The following SMCHD1 variants were observed in gnomAD, a reference collection of about 807,000 sequenced individuals.
SMCHD1 encodes structural maintenance of chromosomes flexible hinge domain containing 1, also known as structural maintenance of chromosomes flexible hinge domain-containing protein 1.
SMCHD1 carries 78 observed loss-of-function variants against 254.7 expected under a neutral mutation model. The ratio of observed to expected loss-of-function variants is 0.31; its 90% CI spans 0.26 to 0.37. SMCHD1 has a LOEUF of 0.37. Among genes scored for constraint, SMCHD1 ranks in the 10% least tolerant of loss-of-function variants. The pLI, the probability that SMCHD1 is intolerant of heterozygous loss-of-function variation, is 1.00. For synonymous variants in SMCHD1, 766 were observed against 794.9 expected (o/e 0.96, Z 0.61); for missense variants, 1,840 against 2,408.1 (o/e 0.76, Z 4.94).
Position 2,732,277 on chromosome 18 carries a change from G to A in SMCHD1, c.3061G>A (p.Val1021Met), listed in dbSNP as rs1231660567. 1 of 1,613,180 alleles carries A rather than the reference G, an allele frequency of 6.2e-7. No homozygotes were observed. The highest frequency in any genetic ancestry group is 8.5e-7 in the Non-Finnish European group (1 of 1,179,460). ...CTTCTCTTTCTAGAGTTGTAAAGAT[G>A]TGGCACCTGTGGAGAAGACTATTAA... Reference protein sequence around the residue: ...ARIEIPSCKDVAPVEKTIKLL... With the variant: ...ARIEIPSCKDMAPVEKTIKLL... Residue 1021 changes from valine to methionine, a missense_variant, in exon 25 of 48, where the codon GTG becomes ATG. By Grantham distance (21) the Val-to-Met change is conservative (BLOSUM62 1). Transcript: ENST00000320876.
At position 2,705,736 on chromosome 18, in the gene SMCHD1, G is replaced by A; in HGVS notation, c.1885G>A (p.Val629Ile). 1 of 1,608,030 alleles carries A rather than the reference G, an allele frequency of 6.2e-7. No homozygotes were observed. The highest frequency in any genetic ancestry group is 8.5e-7 in the Non-Finnish European group (1 of 1,176,162). Residue 629 changes from valine (V) to isoleucine (I), a missense_variant, in exon 14 of 48, where the codon GTA becomes ATA. By Grantham distance (29) the Val-to-Ile change is conservative. Coordinates refer to ENST00000320876, the MANE Select transcript of SMCHD1 (RefSeq NM_015295.3). The stretch of plus-strand genomic sequence containing the variant: ...ACTTCCCCTCTTTTATGGAAGCATA[G>A]TAAGATTTTTTCTTTATGGCGATCA... ...KTLPLFYGSIVRFFLYGDHDG... is the reference protein window; with the variant it reads ...KTLPLFYGSIIRFFLYGDHDG...
intron 45 of SMCHD1, among the ~76,000 whole-genome samples, chr18:2,785,802 GTC>G (rs1175979766): frequency 6.6e-6 from 1 of 151,750 alleles, no homozygotes; most frequent in Non-Finnish European, 1.5e-5. Context: ...ACTTCTTTCT[GTC>G]TCTCTGAATG....
At chr18:2,762,306 A>C (rs1208440853) in intron 36 of SMCHD1, 70 bp downstream of exon 36, 18 of 1,452,396 alleles carry the variant, frequency 1.2e-5, no homozygotes, top group Non-Finnish European at 1.6e-5. Context: ...AGGGTACAAA[A>C]TTATTTGTAT....
At chr18:2,700,120 C>G (rs1568174437) in intron 10 of SMCHD1, among the ~76,000 whole-genome samples, 1 of 152,146 alleles carries the variant, frequency 6.6e-6, no homozygotes, top group Admixed American at 6.5e-5. Flanking sequence ...TAGGTAAACT[C>G]GCTGCTATTA....
At chr18:2,677,334 C>T (rs560950948) in intron 5 of SMCHD1, among the ~76,000 whole-genome samples, 2 of 152,044 alleles carry the variant, frequency 1.3e-5, no homozygotes, top group South Asian at 2.1e-4. Flanking sequence ...TGAAAGTATC[C>T]GTATTAATTT....
At chr18:2,797,720 T>C (rs1168549676) in intron 47 of SMCHD1, among the ~76,000 whole-genome samples, 1 of 152,038 alleles carries the variant, frequency 6.6e-6, no homozygotes, top group Non-Finnish European at 1.5e-5. Flanking sequence ...AGATCAGGAG[T>C]TGGAGACCAG....
chr18:2,752,910 G>T, intron 34 of SMCHD1: 1 of 184,266 alleles, frequency 5.4e-6, no homozygotes, highest in Non-Finnish European at 1.1e-5. Context: ...CTTCATTCTG[G>T]ACCTCCATTT....
intron 39 of SMCHD1, among the ~76,000 whole-genome samples, chr18:2,770,326 C>T: frequency 6.6e-6 from 1 of 152,150 alleles, no homozygotes; most frequent in East Asian, 1.9e-4. Flanking sequence ...AAGAAATCAA[C>T]ACGTTCTGTT....
intron 1 of SMCHD1, among the ~76,000 whole-genome samples, chr18:2,662,666 C>CAAAAAAAAA (rs2073321596): frequency 3.4e-5 from 1 of 29,454 alleles, no homozygotes; most frequent in Non-Finnish European, 6.5e-5. Flanking sequence ...CAACAAAAAA[C>CAAAAAAAAA]CAAAAAAAAA....
intron 5 of SMCHD1, among the ~76,000 whole-genome samples, chr18:2,678,950 C>T (rs564144754): frequency 2.5e-4 from 38 of 150,440 alleles, no homozygotes; most frequent in East Asian, 8.0e-4. Flanking sequence ...CTGGTTCAAG[C>T]GATTCTTTTG....
At chr18:2,662,180 A>AAAAAAAAAAAT (rs2073291998) in intron 1 of SMCHD1, among the ~76,000 whole-genome samples, 1 of 89,884 alleles carries the variant, frequency 1.1e-5, no homozygotes, top group Admixed American at 1.2e-4. Flanking sequence ...AAAAAAAAAT[A>AAAAAAAAAAAT]AAATAAATAA....
At position 2,729,296 on chromosome 18, in the gene SMCHD1, C is replaced by G; in HGVS notation, c.2935C>G (p.Pro979Ala). Residue 979 changes from proline to alanine, a missense_variant, in exon 24 of 48, where the codon CCA becomes GCA. By Grantham distance (27) the Pro-to-Ala change is conservative (BLOSUM62 -1). Around this residue, in one of 9 missense-constraint regions of SMCHD1, gnomAD observed 881 missense variants for 1,009.5 expected, o/e 0.87. Coordinates refer to ENST00000320876, the MANE Select transcript of SMCHD1 (RefSeq NM_015295.3). ...ATAGTTTTCAGGTGCTCCAAACCTT[C>G]CAGTCTATGTTGTAGATTGCAGTAG... ...HCKFSGAPNL[P>A]VYVVDCSSSG... 1 of 1,516,892 alleles carries G rather than the reference C, an allele frequency of 6.6e-7. No homozygotes were observed. Among genetic ancestry groups the G allele is most frequent in the Non-Finnish European group, 8.8e-7 (1 of 1,135,044 alleles). 94.0% of individuals were successfully genotyped at this position (1,516,892 alleles called of 1,614,324 possible).
At chr18:2,663,480 A>G (rs1568073483) in intron 1 of SMCHD1, among the ~76,000 whole-genome samples, 1 of 152,036 alleles carries the variant, frequency 6.6e-6, no homozygotes, top group Non-Finnish European at 1.5e-5. Flanking sequence ...GTTCTTTTAC[A>G]ATTTTGGGCT....
intron 37 of SMCHD1, among the ~76,000 whole-genome samples, chr18:2,764,670 C>A (rs2075838659): frequency 6.6e-6 from 1 of 152,114 alleles, no homozygotes; most frequent in East Asian, 1.9e-4. Flanking sequence ...CAACTATTTT[C>A]ATAGCATTTT....
intron 19 of SMCHD1, 49 bp from the exon 20 acceptor site, chr18:2,722,470 T>C: frequency 6.4e-7 from 1 of 1,551,880 alleles, no homozygotes; most frequent in East Asian, 2.3e-5. Context: ...CCCAATGGCT[T>C]TTCTGACCAA....
In SMCHD1 at chr18:2,738,558, ATT is replaced by A; in HGVS notation, c.3425+14_3425+15del. 6.3e-7 allele frequency: 1 copy of A among 1,594,428 alleles called. No homozygotes were observed. Among genetic ancestry groups the A allele is most frequent in the Non-Finnish European group, 8.5e-7 (1 of 1,170,798 alleles). On this transcript the variant is annotated intron_variant, in intron 26 of 47. Transcript: ENST00000320876. ...CGTTTACAGTAAGGTTTGTGGACTC[ATT>A]ATATTTTGCAGCCTATGGCAACAAA...
chr18:2,762,407 TA>T (rs1157847651), intron 36 of SMCHD1, among the ~76,000 whole-genome samples, 171 bp downstream of exon 36: 1 of 151,798 alleles, frequency 6.6e-6, no homozygotes, highest in East Asian at 1.9e-4. Context: ...TGAATACAAA[TA>T]GAGAATATAT....
In SMCHD1 at chr18:2,752,055, A is replaced by G. The variant is rs569768591; in HGVS notation, c.4282-433A>G. Among the ~76,000 whole-genome samples the G allele has an allele frequency of 3.3e-4, 51 of 152,294 alleles. 1 individual carries two copies. Among genetic ancestry groups the G allele is most frequent in the South Asian group, 1.7e-3 (8 of 4,832 alleles). On this transcript the variant is annotated intron_variant, in intron 33 of 47. Transcript: ENST00000320876. ...ACATAGCCATTGGCTACCATATTGG[A>G]TAATGCAGATCTGAAATAAATCTAA...
chr18:2,684,700 A>AGTGTGTGTGTGTGTGTGTGTGTGTGT (rs71365193), intron 5 of SMCHD1, among the ~76,000 whole-genome samples: 21 of 115,612 alleles, frequency 1.8e-4, no homozygotes, highest in East Asian at 1.1e-3. Flanking sequence ...TTGCAGATTC[A>AGTGTGTGTGTGTGTGTGTGTGTGTGT]GTGTGTGTGT....
Sources: gnomAD v4.1 joint callset for allele counts (sites outside exome capture counted in the v4.1 genomes callset) on GRCh38, gnomAD v4.1.1 for gene constraint, gnomAD v4.1.1 regional missense constraint, MANE v1.5 for transcripts, NCBI Gene and HGNC (gene_info 2026-07-23, HGNC 2026-07-21) for gene names.